CRACR2A: variants seen among roughly 807,000 people sequenced by gnomAD.
The protein encoded by CRACR2A is calcium release activated channel regulator 2A.
A neutral mutation model predicts 90.5 loss-of-function variants in CRACR2A; 79 were observed. That is an observed-to-expected ratio of 0.87 (90% CI 0.73 to 1.05). The LOEUF (loss-of-function observed/expected upper bound fraction) is 1.05. CRACR2A is among the 50% of genes least tolerant of loss of function. CRACR2A has a pLI of 0.00. For synonymous variants in CRACR2A, 338 were observed against 356.7 expected (o/e 0.95, Z 0.59); for missense variants, 823 against 897.2 (o/e 0.92, Z 1.06).
chr12:3,686,932 A>G (rs1263269687), intron 4 of CRACR2A, among the ~76,000 whole-genome samples: 1 of 152,138 alleles, frequency 6.6e-6, no homozygotes, highest in African/African-American at 2.4e-5. Flanking sequence ...GCTTGAGTGT[A>G]GCACACATTG....
rs1433568618 is a variant in CRACR2A, at chr12:3,627,442, G to A, written c.1926C>T (p.Ser642=). 6.4e-6 allele frequency: 10 copies of A among 1,551,520 alleles called. No homozygotes were observed. Among genetic ancestry groups the A allele is most frequent in the African/African-American group, 2.7e-5 (2 of 73,034 alleles). ...AGGAAGGTCGCCAGCTCACCTCCACGCTGCTCAGCCACCGCCGGACCGACA... is the reference window on the plus strand; with the variant it reads ...AGGAAGGTCGCCAGCTCACCTCCACACTGCTCAGCCACCGCCGGACCGACA... ...SFLSVRRWLS[S]VEEAVGDRVP... The change falls in exon 17 of 20, where the codon AGC becomes AGT. Residue 642 remains serine, a synonymous_variant. Coordinates refer to ENST00000440314, the MANE Select transcript of CRACR2A (RefSeq NM_001144958.2).
chr12:3,661,626 AC>A (rs1264621526), intron 7 of CRACR2A, among the ~76,000 whole-genome samples: 2 of 152,222 alleles, frequency 1.3e-5, no homozygotes, highest in African/African-American at 4.8e-5. Context: ...CATGCTATTG[AC>A]CCTGATACTT....
rs1271154180 is a variant in CRACR2A at position 3,660,887 on chromosome 12, C to CACACACACACACACACACA, written c.672-1234_672-1233insTGTGTGTGTGTGTGTGTGT. On this transcript the variant is annotated intron_variant, in intron 7 of 19. Transcript: ENST00000440314. ...ACACACACACACACACACACACACA[C>CACACACACACACACACACA]AATTTTGGCCCCTGCCATTCTAACT... 4.2e-5 allele frequency among the ~76,000 whole-genome samples: 5 copies of CACACACACACACACACACA among 118,870 alleles called. 1 individual carries two copies. Among genetic ancestry groups the CACACACACACACACACACA allele is most frequent in the Admixed American group, 1.9e-4 (2 of 10,566 alleles). 78.0% of individuals were successfully genotyped at this position (118,870 alleles called of 152,430 possible).
intron 15 of CRACR2A, among the ~76,000 whole-genome samples, chr12:3,632,086 C>G (rs772603604): frequency 1.3e-5 from 2 of 152,078 alleles, no homozygotes; most frequent in Non-Finnish European, 2.9e-5. Context: ...TAGCACCTTC[C>G]CTTTGGTGCT....
intron 3 of CRACR2A, among the ~76,000 whole-genome samples, chr12:3,701,430 A>G (rs900540050): frequency 6.6e-6 from 1 of 152,182 alleles, no homozygotes; most frequent in Non-Finnish European, 1.5e-5. Flanking sequence ...TGGTTCTTTG[A>G]GAAGATTAAT....
chr12:3,661,947 A>C (rs1228349258), intron 7 of CRACR2A, among the ~76,000 whole-genome samples: 1 of 152,246 alleles, frequency 6.6e-6, no homozygotes, highest in Non-Finnish European at 1.5e-5. Flanking sequence ...AATGTGCTAT[A>C]GTAACTTTGA....
At position 3,616,953 on chromosome 12, in the gene CRACR2A, C is replaced by T; in HGVS notation, c.2111+1G>A. On this transcript the variant is annotated splice_donor_variant, in intron 19 of 19. Transcript: ENST00000440314. LOFTEE classifies it high-confidence loss of function. ...TGCACCTGGGGAGCACATCTCTTTA[C>T]CTGGCCAGATGGAGCAGGGACTCTT... The T allele has an allele frequency of 6.4e-7, 1 of 1,550,500 alleles. No individual in the cohort carries two copies. The highest frequency in any genetic ancestry group is 1.7e-4 in the Middle Eastern group (1 of 5,988).
At chr12:3,652,564 C>A (rs1944812719) in intron 10 of CRACR2A, among the ~76,000 whole-genome samples, 1 of 152,112 alleles carries the variant, frequency 6.6e-6, no homozygotes, top group Admixed American at 6.5e-5. Flanking sequence ...GTACAGGATT[C>A]CGCACATAAG....
intron 1 of CRACR2A, among the ~76,000 whole-genome samples, chr12:3,747,348 T>C (rs919702529): frequency 2.4e-4 from 37 of 152,190 alleles, no homozygotes; most frequent in African/African-American, 8.2e-4. Flanking sequence ...CCCAGTGTGT[T>C]TCTGTGCATC....
intron 2 of CRACR2A, among the ~76,000 whole-genome samples, chr12:3,724,017 A>G (rs1946223707): frequency 6.6e-6 from 1 of 152,188 alleles, no homozygotes; most frequent in Non-Finnish European, 1.5e-5. Context: ...GCTGGCAATC[A>G]AAGACTAAGA....
At chr12:3,681,743 G>A (rs2137624103) in intron 4 of CRACR2A, among the ~76,000 whole-genome samples, 1 of 152,356 alleles carries the variant, frequency 6.6e-6, no homozygotes, top group Middle Eastern at 3.4e-3. Flanking sequence ...GCTGGCAGGT[G>A]TGAAAGCCCA....
In CRACR2A at chr12:3,629,859, G is replaced by T. The variant is rs563657631; in HGVS notation, c.1736-2153C>A. ...ACAAGGAAAAGACAAGGGGGGGGGG[G>T]GATGAAGAGGTGGCATGTGCAAACA... On this transcript the variant is annotated intron_variant, in intron 15 of 19. Transcript: ENST00000440314. Among the ~76,000 whole-genome samples the T allele has an allele frequency of 3.2e-3, 435 of 137,478 alleles. 1 individual carries two copies. Among genetic ancestry groups the T allele is most frequent in the African/African-American group, 0.012 (418 of 35,604 alleles). 90.2% of individuals were successfully genotyped at this position (137,478 alleles called of 152,430 possible).
At chr12:3,642,957 C>T (rs1944600713) in intron 12 of CRACR2A, among the ~76,000 whole-genome samples, 1 of 152,234 alleles carries the variant, frequency 6.6e-6, no homozygotes, top group South Asian at 2.1e-4. Flanking sequence ...AATCAATCTT[C>T]AATTCTTATT....
At chr12:3,686,538 G>A (rs1945556345) in intron 4 of CRACR2A, among the ~76,000 whole-genome samples, 3 of 152,116 alleles carry the variant, frequency 2.0e-5, no homozygotes, top group Admixed American at 1.3e-4. Flanking sequence ...GGCTTTTGAG[G>A]CTCTAGGTTT....
intron 10 of CRACR2A, among the ~76,000 whole-genome samples, chr12:3,653,265 G>A (rs928729763): frequency 1.3e-5 from 2 of 152,204 alleles, no homozygotes; most frequent in Admixed American, 6.5e-5. Flanking sequence ...ACAGGCGTGA[G>A]CCACCGCGCC....
chr12:3,719,979 C>T (rs1004503011), intron 2 of CRACR2A, among the ~76,000 whole-genome samples: 7 of 151,712 alleles, frequency 4.6e-5, no homozygotes, highest in African/African-American at 1.7e-4. Context: ...ATTAGCTGGG[C>T]GTGGTGGCGG....
chr12:3,691,242 T>G (rs1164670039), intron 4 of CRACR2A, among the ~76,000 whole-genome samples: 1 of 144,902 alleles, frequency 6.9e-6, no homozygotes, highest in Admixed American at 6.9e-5. Context: ...ATAGTTTCAC[T>G]GGTCTGCGTA....
At position 3,633,805 on chromosome 12, in the gene CRACR2A, G is replaced by T; in HGVS notation, c.1603-69C>A. ...GCCAGCCCCTGCCCCTGCCACCAGA[G>T]GCCCTTTACCCATCCCTACAGTGGC... On this transcript the variant is annotated intron_variant, in intron 14 of 19. Coordinates refer to ENST00000440314, the MANE Select transcript of CRACR2A (RefSeq NM_001144958.2). This position sits in a 1 kb window ranked among gnomAD's most constrained non-coding sequence, Gnocchi z 4.5. 6.5e-7 allele frequency: 1 copy of T among 1,544,064 alleles called. No individual in the cohort carries two copies. Among genetic ancestry groups the T allele is most frequent in the Non-Finnish European group, 8.7e-7 (1 of 1,144,694 alleles).
In CRACR2A at chr12:3,724,936, C is replaced by G. The variant is rs192914730; in HGVS notation, c.-118+8006G>C. 2.9e-3 allele frequency among the ~76,000 whole-genome samples: 437 copies of G among 152,154 alleles called. 3 individuals are homozygous for G. The highest frequency in any genetic ancestry group is 2.2e-3 in the Non-Finnish European group (151 of 68,002). On this transcript the variant is annotated intron_variant, in intron 2 of 19. Transcript: ENST00000440314. ...AAGGAGGCGCAGCAAGCACTATTTT[C>G]CAAAATAGGACAGGAGAGAATGGAG...
Sources: gnomAD v4.1 joint callset for allele counts (sites outside exome capture counted in the v4.1 genomes callset) on GRCh38, gnomAD v4.1.1 for gene constraint, Gnocchi (gnomAD v3.1) non-coding constraint, MANE v1.5 for transcripts, NCBI Gene and HGNC (gene_info 2026-07-23, HGNC 2026-07-21) for gene names.